Variants in ZFR observed in about 807,000 individuals in gnomAD.
ZFR encodes zinc finger RNA binding protein.
In ZFR, 19 loss-of-function variants were observed where a neutral mutation model predicts 130.7. The observed-to-expected ratio is 0.15, with a 90% CI of 0.10 to 0.21. ZFR has a LOEUF of 0.21. ZFR is among the 10% of genes least tolerant of loss of function. The probability of loss-of-function intolerance (pLI) is 1.00; values close to 1 mark genes in which losing one functional copy is unlikely to be tolerated. For synonymous variants in ZFR, 466 were observed against 456.9 expected (o/e 1.02, Z -0.25); for missense variants, 872 against 1,321.5 (o/e 0.66, Z 5.27).
chr5:32,444,103 C>G, intron 2 of ZFR, 126 bp downstream of exon 2: 1 of 986,136 alleles, frequency 1.0e-6, no homozygotes, highest in Non-Finnish European at 1.3e-6. Flanking sequence ...CGGGCTGGGC[C>G]GGGCCAGGCC....
intron 17 of ZFR, among the ~76,000 whole-genome samples, chr5:32,377,817 G>A (rs1332970311): frequency 1.3e-5 from 2 of 151,932 alleles, no homozygotes; most frequent in Admixed American, 6.6e-5. Context: ...TCAGCCTCCC[G>A]AGTAGCTTGG....
At chr5:32,392,536 A>T (rs1242939752) in intron 11 of ZFR, among the ~76,000 whole-genome samples, 1 of 152,234 alleles carries the variant, frequency 6.6e-6, no homozygotes, top group African/African-American at 2.4e-5. Context: ...ACCACAAAAG[A>T]AGTATAAATA....
At chr5:32,441,803 A>T (rs13171366) in intron 2 of ZFR, among the ~76,000 whole-genome samples, 46,421 of 152,102 alleles carry the variant, frequency 0.31, 7,344 homozygotes, top group Middle Eastern at 0.43. Flanking sequence ...TTCATGTACT[A>T]TGTTTATATA....
rs767019906 is a variant in ZFR at position 32,395,318 on chromosome 5, T to C, written c.1834-14A>G. The C allele has an allele frequency of 6.6e-7, 1 of 1,522,056 alleles. No individual in the cohort carries two copies. Among genetic ancestry groups the C allele is most frequent in the Admixed American group, 2.2e-5 (1 of 45,576 alleles). 94.3% of individuals were successfully genotyped at this position (1,522,056 alleles called of 1,614,324 possible). A position where few individuals can be genotyped will look rare whatever the true frequency, so the allele number is the denominator to read the frequency against. ...ATTTACTTTTTTCTATTAATATAAA[T>C]AAGACATTTAAAAAACAGCAGCCCC... On this transcript the variant is annotated splice_polypyrimidine_tract_variant and intron_variant, in intron 10 of 19. Transcript: ENST00000265069.
chr5:32,374,922 G>A (rs1752764648), intron 17 of ZFR, among the ~76,000 whole-genome samples: 1 of 152,144 alleles, frequency 6.6e-6, no homozygotes, highest in Non-Finnish European at 1.5e-5. Flanking sequence ...AAGTTTTGAT[G>A]CTACTAAAAC....
chr5:32,354,352 A>C lies in ZFR; in HGVS notation c.*1408T>G, dbSNP rs1752259544. 6.6e-6 allele frequency: 1 copy of C among 152,576 alleles called. No individual in the cohort carries two copies. The highest frequency in any genetic ancestry group is 2.4e-5 in the African/African-American group (1 of 41,466). 9.5% of individuals were successfully genotyped at this position (152,576 alleles called of 1,614,324 possible). ...GAATAACAAGATGCAGTACTCAATA[A>C]ATTTGAATATGATTTTACTGAAGCA... On this transcript the variant is annotated 3_prime_UTR_variant, in exon 20 of 20. Transcript: ENST00000265069.
intron 19 of ZFR, among the ~76,000 whole-genome samples, chr5:32,356,238 G>C (rs1752304633): frequency 6.6e-6 from 1 of 152,128 alleles, no homozygotes; most frequent in South Asian, 2.1e-4. Flanking sequence ...CAAGCAGGAT[G>C]TTGAAAACAA....
At chr5:32,375,256 T>TCAAA (rs1333241846) in intron 17 of ZFR, among the ~76,000 whole-genome samples, 1 of 152,228 alleles carries the variant, frequency 6.6e-6, no homozygotes, top group African/African-American at 2.4e-5. Flanking sequence ...CAACTTCCGT[T>TCAAA]ACTGATTCAA....
At position 32,440,274 on chromosome 5, in the gene ZFR, A is replaced by G. The variant is rs185206920; in HGVS notation, c.137+3955T>C. ...TCTGCTTTATCCTGTGCACCCTCAA[A>G]TTAACATGCTATCAGAAACGTACAC... On this transcript the variant is annotated intron_variant, in intron 2 of 19. Transcript: ENST00000265069. Among the ~76,000 whole-genome samples the G allele has an allele frequency of 9.2e-5, 14 of 152,310 alleles. No homozygotes were observed. The East Asian group carries it at 2.7e-3, about 29-fold the overall frequency.
chr5:32,365,715 T>A (rs900051184), intron 17 of ZFR, among the ~76,000 whole-genome samples: 1 of 150,948 alleles, frequency 6.6e-6, no homozygotes. Context: ...GAGGTTGCAG[T>A]GAGCTGTGGT....
chr5:32,403,566 A>G (rs1753515880), intron 7 of ZFR, among the ~76,000 whole-genome samples, 169 bp from the exon 8 acceptor site: 1 of 152,178 alleles, frequency 6.6e-6, no homozygotes, highest in Non-Finnish European at 1.5e-5. Context: ...TTTCAAGATA[A>G]TCTCTGTGAA....
At chr5:32,398,877 C>A (rs1027746012) in intron 9 of ZFR, among the ~76,000 whole-genome samples, 2 of 152,008 alleles carry the variant, frequency 1.3e-5, no homozygotes, top group Non-Finnish European at 2.9e-5. Flanking sequence ...ATTCACCCAC[C>A]TCGGCCTCCC....
rs190131025 is a variant in ZFR, at chr5:32,416,567, T to C, written c.565+1081A>G. ...AGGTGGAGGTTGCGGTGAGCCAAGA[T>C]TGCACCATTGCACTCCAGCCTGGGC... On this transcript the variant is annotated intron_variant, in intron 4 of 19. Transcript: ENST00000265069. Among the ~76,000 whole-genome samples the C allele has an allele frequency of 6.9e-3, 982 of 143,232 alleles. 5 individuals carry two copies. Among genetic ancestry groups the C allele is most frequent in the Non-Finnish European group, 0.011 (760 of 66,958 alleles). 94.0% of individuals were successfully genotyped at this position (143,232 alleles called of 152,430 possible).
At chr5:32,370,310 G>GGA (rs769362722) in intron 17 of ZFR, among the ~76,000 whole-genome samples, 1,870 of 69,662 alleles carry the variant, frequency 0.027, 25 homozygotes, top group South Asian at 0.13. Flanking sequence ...TGTTGTGGGG[G>GGA]GAGAGAGAGA....
At chr5:32,390,885 G>C (rs551386488) in intron 11 of ZFR, among the ~76,000 whole-genome samples, 2 of 152,346 alleles carry the variant, frequency 1.3e-5, no homozygotes, top group African/African-American at 4.8e-5. Flanking sequence ...GCAAGTCATA[G>C]TCAGTCTTAC....
At chr5:32,418,163 G>A (rs1482252115) in intron 3 of ZFR, among the ~76,000 whole-genome samples, 2 of 152,056 alleles carry the variant, frequency 1.3e-5, no homozygotes, top group Non-Finnish European at 2.9e-5. Context: ...GGGAGGCTGA[G>A]GCAGGAGAAT....
At chr5:32,368,672 C>G (rs1752598891) in intron 17 of ZFR, among the ~76,000 whole-genome samples, 1 of 152,232 alleles carries the variant, frequency 6.6e-6, no homozygotes, top group African/African-American at 2.4e-5. Context: ...GAAACAATCT[C>G]TAGCACTAGG....
chr5:32,423,338 T>A (rs1021209243), intron 2 of ZFR, among the ~76,000 whole-genome samples: 31 of 151,830 alleles, frequency 2.0e-4, no homozygotes, highest in African/African-American at 3.6e-4. Flanking sequence ...TCAAAAAAAA[T>A]TTTTTTTAAA....
intron 8 of ZFR, among the ~76,000 whole-genome samples, chr5:32,401,210 A>C (rs544582306): frequency 7.2e-5 from 11 of 152,338 alleles, no homozygotes; most frequent in Admixed American, 6.5e-4. Flanking sequence ...AATATTCTTA[A>C]GTATCTACAA....
Sources: gnomAD v4.1 joint callset for allele counts (sites outside exome capture counted in the v4.1 genomes callset) on GRCh38, gnomAD v4.1.1 for gene constraint, MANE v1.5 for transcripts, NCBI Gene and HGNC (gene_info 2026-07-23, HGNC 2026-07-21) for gene names.